HS3ST4: variants seen among roughly 807,000 people sequenced by gnomAD.
HS3ST4 encodes heparan sulfate-glucosamine 3-sulfotransferase 4, also known as heparan sulfate glucosamine 3-O-sulfotransferase 4.
A neutral mutation model predicts 29.2 loss-of-function variants in HS3ST4; 17 were observed. That is an observed-to-expected ratio of 0.58 (90% CI 0.40 to 0.87). HS3ST4 has a LOEUF of 0.87. Ranked by LOEUF, HS3ST4 falls within the 40% of genes least tolerant of loss-of-function variation. The pLI, the probability that HS3ST4 is intolerant of heterozygous loss-of-function variation, is 0.00. For missense variants in HS3ST4, 627 were observed against 634.5 expected (o/e 0.99, Z 0.13); for synonymous variants, 314 against 285.7 (o/e 1.10, Z -1.00).
chr16:25,862,889 C>G (rs768257394), intron 1 of HS3ST4, among the ~76,000 whole-genome samples: 20 of 152,166 alleles, frequency 1.3e-4, no homozygotes, highest in Non-Finnish European at 8.8e-5. Flanking sequence ...AGTTTTAGCC[C>G]CACCCACTGT....
chr16:25,929,924 A>C (rs531000812), intron 1 of HS3ST4, among the ~76,000 whole-genome samples: 28 of 152,322 alleles, frequency 1.8e-4, no homozygotes, highest in African/African-American at 6.7e-4. Context: ...AGTGCCCAAC[A>C]GTTATTTTTC....
At chr16:26,056,401 TG>T (rs1020381463) in intron 1 of HS3ST4, among the ~76,000 whole-genome samples, 5 of 152,188 alleles carry the variant, frequency 3.3e-5, no homozygotes, top group African/African-American at 7.2e-5. Context: ...ATTATTTTGG[TG>T]GTAATTACCC....
chr16:25,831,284 C>T (rs1020941657), intron 1 of HS3ST4, among the ~76,000 whole-genome samples: 4 of 152,020 alleles, frequency 2.6e-5, no homozygotes, highest in East Asian at 1.9e-4. Flanking sequence ...GCATACTGAC[C>T]GGGCATGGTA....
chr16:26,067,775 G>A (rs1898558531), intron 1 of HS3ST4, among the ~76,000 whole-genome samples: 1 of 152,162 alleles, frequency 6.6e-6, no homozygotes, highest in East Asian at 1.9e-4. Flanking sequence ...GGAGGTAATT[G>A]AATCATGAGA....
At chr16:25,789,375 C>CTT (rs1966863331) in intron 1 of HS3ST4, among the ~76,000 whole-genome samples, 1 of 148,516 alleles carries the variant, frequency 6.7e-6, no homozygotes, top group African/African-American at 2.6e-5. Flanking sequence ...CTCTCTCTTT[C>CTT]TCTTTCTTTC....
chr16:26,020,015 G>A (rs1360923209), intron 1 of HS3ST4, among the ~76,000 whole-genome samples: 1 of 152,148 alleles, frequency 6.6e-6, no homozygotes, highest in Non-Finnish European at 1.5e-5. Context: ...TGGTGCTCCA[G>A]ATAACAGCTG....
intron 1 of HS3ST4, among the ~76,000 whole-genome samples, chr16:25,755,558 A>G (rs1364124763): frequency 6.6e-6 from 1 of 152,202 alleles, no homozygotes; most frequent in Non-Finnish European, 1.5e-5. Flanking sequence ...CAGAGGTCAT[A>G]AAATGGAAGT....
chr16:25,800,281 A>G (rs1031912061), intron 1 of HS3ST4, among the ~76,000 whole-genome samples: 1 of 152,066 alleles, frequency 6.6e-6, no homozygotes, highest in African/African-American at 2.4e-5. Flanking sequence ...TTATTGAGCA[A>G]TTTTGGCCTA....
chr16:25,734,190 T>C (rs1469625583), intron 1 of HS3ST4, among the ~76,000 whole-genome samples: 1 of 152,242 alleles, frequency 6.6e-6, no homozygotes, highest in East Asian at 1.9e-4. Flanking sequence ...TTTCTGGCTA[T>C]GTGTGCAATA....
intron 1 of HS3ST4, among the ~76,000 whole-genome samples, chr16:25,916,673 C>CTTTTTTTTT (rs34339195): frequency 2.2e-5 from 2 of 92,162 alleles, no homozygotes; most frequent in African/African-American, 4.4e-5. Flanking sequence ...CAAATGCATT[C>CTTTTTTTTT]TTTTTTTTTT....
chr16:25,850,302 C>G (rs1967505412), intron 1 of HS3ST4, among the ~76,000 whole-genome samples: 1 of 152,070 alleles, frequency 6.6e-6, no homozygotes, highest in African/African-American at 2.4e-5. Flanking sequence ...TTTTTTTAAA[C>G]ACTCACTTGT....
intron 1 of HS3ST4, among the ~76,000 whole-genome samples, chr16:25,718,988 A>G (rs1258906421): frequency 6.6e-6 from 1 of 152,220 alleles, no homozygotes; most frequent in East Asian, 1.9e-4. Flanking sequence ...TGATGGAAGT[A>G]AGGGTTTTAA....
intron 1 of HS3ST4, among the ~76,000 whole-genome samples, chr16:25,750,482 A>T (rs150309956): frequency 6.6e-6 from 1 of 152,266 alleles, no homozygotes; most frequent in Non-Finnish European, 1.5e-5. Context: ...CAACACACAA[A>T]CTGTTAGACC....
At chr16:25,919,328 C>T (rs971022820) in intron 1 of HS3ST4, among the ~76,000 whole-genome samples, 3 of 152,000 alleles carry the variant, frequency 2.0e-5, no homozygotes, top group African/African-American at 4.8e-5. Flanking sequence ...CTGCACTCAG[C>T]CAGTAATACA....
chr16:26,108,238 T>C (rs982574157), intron 1 of HS3ST4, among the ~76,000 whole-genome samples: 12 of 152,216 alleles, frequency 7.9e-5, no homozygotes, highest in African/African-American at 2.9e-4. Context: ...CTTGGCCATC[T>C]GTACATCTTC....
intron 1 of HS3ST4, among the ~76,000 whole-genome samples, chr16:26,074,448 G>C (rs1898636716): frequency 6.6e-6 from 1 of 152,194 alleles, no homozygotes. Context: ...ATAAAGAGAT[G>C]TGAAGGGCCA....
At chr16:26,109,894 T>C (rs985739102) in intron 1 of HS3ST4, among the ~76,000 whole-genome samples, 4 of 152,212 alleles carry the variant, frequency 2.6e-5, no homozygotes, top group Non-Finnish European at 5.9e-5. Flanking sequence ...TCACACACTT[T>C]TTTTTGTGGT....
chr16:26,041,915 G>T (rs530221335), intron 1 of HS3ST4, among the ~76,000 whole-genome samples: 18 of 152,254 alleles, frequency 1.2e-4, no homozygotes, highest in African/African-American at 4.1e-4. Flanking sequence ...GCCCGATCTC[G>T]GGAGAGTCTG....
chr16:26,136,435 G>A lies in HS3ST4; in HGVS notation c.*187G>A. 4 of 614,164 alleles carry A rather than the reference G, an allele frequency of 6.5e-6. No homozygotes were observed. The allele number at this position is 614,164 out of a possible 1,614,324, so 38.0% of individuals were successfully genotyped here. A position where few individuals can be genotyped will look rare whatever the true frequency, so the allele number is the denominator to read the frequency against. ...CAGGTGGATCCCATGGCATCCCCAT[G>A]GAGGAACCAGGCCCATCTGGGCAGC... On this transcript the variant is annotated 3_prime_UTR_variant, in exon 2 of 2. Transcript: ENST00000331351.
Sources: allele counts gnomAD v4.1 joint callset (sites outside exome capture counted in the v4.1 genomes callset), GRCh38; gene constraint gnomAD v4.1.1; transcripts MANE v1.5; gene names NCBI Gene and HGNC (gene_info 2026-07-23, HGNC 2026-07-21).